The following RIT2 variants were observed in gnomAD, a reference collection of about 807,000 sequenced individuals.
RIT2 encodes Ras like without CAAX 2, also known as GTP-binding protein Rit2.
In RIT2, 24 loss-of-function variants were observed where a neutral mutation model predicts 23.7. The observed-to-expected ratio is 1.01, with a 90% CI of 0.73 to 1.43. The LOEUF (loss-of-function observed/expected upper bound fraction) is 1.43. RIT2 is among the 40% of genes most tolerant of loss of function. The pLI, the probability that RIT2 is intolerant of heterozygous loss-of-function variation, is 0.00. For synonymous variants in RIT2, 107 were observed against 91.1 expected (o/e 1.17, Z -0.99); for missense variants, 236 against 266.9 (o/e 0.88, Z 0.81).
intron 3 of RIT2, among the ~76,000 whole-genome samples, chr18:42,935,390 T>C (rs1909429451): frequency 6.6e-6 from 1 of 152,110 alleles, no homozygotes; most frequent in Non-Finnish European, 1.5e-5. Context: ...GCAGAGACAC[T>C]CTCTCCCTCA....
chr18:42,825,880 A>G (rs1906284670), intron 4 of RIT2, among the ~76,000 whole-genome samples: 2 of 151,868 alleles, frequency 1.3e-5, no homozygotes, highest in African/African-American at 4.8e-5. Context: ...CTATTTTACA[A>G]CTCTGTAAGT....
chr18:42,989,949 C>A (rs1366483348), intron 2 of RIT2, among the ~76,000 whole-genome samples: 1 of 151,730 alleles, frequency 6.6e-6, no homozygotes, highest in East Asian at 1.9e-4. Flanking sequence ...GATATATGTA[C>A]ACACACACAT....
chr18:42,918,307 T>G (rs1451738264), intron 4 of RIT2, among the ~76,000 whole-genome samples: 1 of 152,176 alleles, frequency 6.6e-6, no homozygotes, highest in Non-Finnish European at 1.5e-5. Context: ...ATAAATCATG[T>G]GAAACTCTTA....
intron 2 of RIT2, among the ~76,000 whole-genome samples, chr18:43,021,727 T>C (rs1217512559): frequency 4.6e-5 from 7 of 152,094 alleles, no homozygotes; most frequent in African/African-American, 1.2e-4. Context: ...ACCATGATTG[T>C]AAGTTTCCTG....
intron 4 of RIT2, among the ~76,000 whole-genome samples, chr18:42,884,779 A>T (rs1236069727): frequency 3.3e-5 from 5 of 152,216 alleles, no homozygotes; most frequent in Non-Finnish European, 7.3e-5. Flanking sequence ...GAATTTTAAA[A>T]CTTACAGGGA....
At chr18:42,946,816 T>A (rs755473105) in intron 3 of RIT2, among the ~76,000 whole-genome samples, 1 of 152,154 alleles carries the variant, frequency 6.6e-6, no homozygotes, top group South Asian at 2.1e-4. Flanking sequence ...TGAGTTAGCA[T>A]CCAAAGATAG....
chr18:42,917,567 T>C (rs2144126188), intron 4 of RIT2, among the ~76,000 whole-genome samples: 1 of 152,232 alleles, frequency 6.6e-6, no homozygotes, highest in South Asian at 2.1e-4. Flanking sequence ...CAAATGCATC[T>C]CGCTGCTTCA....
At chr18:42,801,650 C>T (rs1396905671) in intron 4 of RIT2, among the ~76,000 whole-genome samples, 2 of 152,178 alleles carry the variant, frequency 1.3e-5, no homozygotes, top group African/African-American at 2.4e-5. Flanking sequence ...TTATGTACCT[C>T]AGGCCTAGAG....
intron 4 of RIT2, among the ~76,000 whole-genome samples, chr18:42,853,123 C>T (rs1907099844): frequency 6.6e-6 from 1 of 152,140 alleles, no homozygotes; most frequent in South Asian, 2.1e-4. Context: ...CATGAGCCAC[C>T]ATGCCTGGCC....
chr18:42,972,748 C>A (rs1019169127), intron 3 of RIT2, among the ~76,000 whole-genome samples: 2 of 151,754 alleles, frequency 1.3e-5, no homozygotes, highest in Non-Finnish European at 3.0e-5. Flanking sequence ...CAATCTTTTA[C>A]AGACTACCTT....
intron 4 of RIT2, among the ~76,000 whole-genome samples, chr18:42,877,663 A>G (rs1568019193): frequency 6.6e-6 from 1 of 151,660 alleles, no homozygotes; most frequent in Non-Finnish European, 1.5e-5. Flanking sequence ...CTATTCTGGA[A>G]ATCTGAAATC....
chr18:43,069,493 G>A (rs1016885650), intron 1 of RIT2, among the ~76,000 whole-genome samples: 1 of 152,120 alleles, frequency 6.6e-6, no homozygotes, highest in African/African-American at 2.4e-5. Context: ...GAAATACGAT[G>A]TTATCATCAT....
intron 3 of RIT2, among the ~76,000 whole-genome samples, chr18:42,934,647 ACAT>A (rs1354140870): frequency 2.0e-5 from 3 of 152,214 alleles, no homozygotes; most frequent in African/African-American, 7.2e-5. Flanking sequence ...ATGGATATTA[ACAT>A]CATATGATAT....
At chr18:43,009,110 T>C (rs1314558097) in intron 2 of RIT2, among the ~76,000 whole-genome samples, 1 of 151,668 alleles carries the variant, frequency 6.6e-6, no homozygotes, top group Non-Finnish European at 1.5e-5. Context: ...TTAAAAATAA[T>C]TAATTAGAAA....
intron 4 of RIT2, among the ~76,000 whole-genome samples, chr18:42,799,400 A>G (rs1248455687): frequency 6.6e-6 from 1 of 152,164 alleles, no homozygotes; most frequent in Non-Finnish European, 1.5e-5. Flanking sequence ...TGAATGCCCA[A>G]ATAAATAACT....
chr18:42,749,244 T>A (rs916019014), intron 4 of RIT2, among the ~76,000 whole-genome samples: 5 of 151,940 alleles, frequency 3.3e-5, no homozygotes, highest in Non-Finnish European at 7.4e-5. Flanking sequence ...GAAGAAATTA[T>A]AAAAACATTT....
At chr18:42,958,642 C>T (rs368493347) in intron 3 of RIT2, among the ~76,000 whole-genome samples, 6 of 152,190 alleles carry the variant, frequency 3.9e-5, no homozygotes, top group African/African-American at 1.4e-4. Context: ...ATGAAAAATA[C>T]TAAAACGTCA....
intron 1 of RIT2, among the ~76,000 whole-genome samples, chr18:43,080,308 G>C (rs1005351485): frequency 6.6e-6 from 1 of 152,192 alleles, no homozygotes; most frequent in Admixed American, 6.5e-5. Context: ...GGTTGTATAT[G>C]TTCTGCTCTC....
chr18:42,810,294 T>C (rs1271687210), intron 4 of RIT2, among the ~76,000 whole-genome samples: 1 of 151,640 alleles, frequency 6.6e-6, no homozygotes, highest in Non-Finnish European at 1.5e-5. Flanking sequence ...AGAAAAGAAA[T>C]CATTGCTTGC....
Sources: allele counts gnomAD v4.1 joint callset (sites outside exome capture counted in the v4.1 genomes callset), GRCh38; gene constraint gnomAD v4.1.1; transcripts MANE v1.5; gene names NCBI Gene and HGNC (gene_info 2026-07-23, HGNC 2026-07-21).